Variants in ENOX1 observed in about 807,000 individuals in gnomAD.
ENOX1 encodes ecto-NOX disulfide-thiol exchanger 1.
In ENOX1, 42 loss-of-function variants were observed where a neutral mutation model predicts 82.5. The ratio of observed to expected loss-of-function variants is 0.51; its 90% CI spans 0.40 to 0.66. The LOEUF (loss-of-function observed/expected upper bound fraction) is 0.66. ENOX1 is among the 30% of genes least tolerant of loss of function. The pLI is 0.00. For missense variants in ENOX1, 608 were observed against 811.6 expected (o/e 0.75, Z 3.05); for synonymous variants, 271 against 282.2 (o/e 0.96, Z 0.40).
chr13:43,628,840 C>A (rs2083084074), intron 2 of ENOX1, among the ~76,000 whole-genome samples: 1 of 152,092 alleles, frequency 6.6e-6, no homozygotes, highest in Non-Finnish European at 1.5e-5. Context: ...TCGCTGACAC[C>A]CAAGTGGGAA....
At chr13:43,496,626 C>A (rs1269696848) in intron 2 of ENOX1, among the ~76,000 whole-genome samples, 5 of 152,090 alleles carry the variant, frequency 3.3e-5, no homozygotes, top group African/African-American at 1.2e-4. Context: ...AAGCAGTTCT[C>A]CCACCTCGGC....
chr13:43,391,997 G>A (rs1165824045), intron 5 of ENOX1, among the ~76,000 whole-genome samples: 1 of 152,122 alleles, frequency 6.6e-6, no homozygotes, highest in Non-Finnish European at 1.5e-5. Context: ...CAAGCTGGTT[G>A]TCCAGGACTT....
intron 2 of ENOX1, among the ~76,000 whole-genome samples, chr13:43,656,795 C>T (rs957938393): frequency 2.3e-5 from 3 of 128,948 alleles, no homozygotes; most frequent in African/African-American, 9.6e-5. Context: ...TATTCTCAAG[C>T]GCCTTTCTAT....
chr13:43,655,712 G>GC (rs1466254611), intron 2 of ENOX1, among the ~76,000 whole-genome samples: 1 of 151,958 alleles, frequency 6.6e-6, no homozygotes, highest in Non-Finnish European at 1.5e-5. Flanking sequence ...TCTGCAACCT[G>GC]CCCCACCGCT....
At chr13:43,326,846 T>C (rs2048143884) in intron 9 of ENOX1, among the ~76,000 whole-genome samples, 1 of 152,208 alleles carries the variant, frequency 6.6e-6, no homozygotes, top group African/African-American at 2.4e-5. Flanking sequence ...TATAGATATA[T>C]AGACACTGGT....
intron 3 of ENOX1, among the ~76,000 whole-genome samples, chr13:43,414,279 C>T (rs1225901111): frequency 2.0e-5 from 3 of 152,098 alleles, no homozygotes; most frequent in African/African-American, 7.2e-5. Context: ...CCCTAGCCCT[C>T]AACTAGAGGG....
chr13:43,638,736 C>A (rs2083508490), intron 2 of ENOX1, among the ~76,000 whole-genome samples: 1 of 152,026 alleles, frequency 6.6e-6, no homozygotes, highest in Non-Finnish European at 1.5e-5. Context: ...TGGTGGGGGG[C>A]AGTGCACAGA....
Position 43,657,944 on chromosome 13 carries a change from CTATT to C in ENOX1, c.-219+9531_-219+9534del, listed in dbSNP as rs2084524682. ...TGTCTAGCAAAGAAAAAAGCTAAAACTATTAATGTTTTTAAAGATAACTTTAACT... is the reference window on the plus strand; with the variant it reads ...TGTCTAGCAAAGAAAAAAGCTAAAACAATGTTTTTAAAGATAACTTTAACT... On this transcript the variant is annotated intron_variant, in intron 2 of 16. Coordinates refer to ENST00000690772, the MANE Select transcript of ENOX1 (RefSeq NM_001347969.2). Among the ~76,000 whole-genome samples the C allele has an allele frequency of 7.2e-5, 11 of 152,230 alleles. No homozygotes were observed. In the South Asian group the frequency reaches 2.3e-3, roughly 32 times the overall value.
At chr13:43,316,200 T>C (rs1306754544) in intron 11 of ENOX1, among the ~76,000 whole-genome samples, 1 of 152,164 alleles carries the variant, frequency 6.6e-6, no homozygotes, top group Non-Finnish European at 1.5e-5. Context: ...GCAGGAAACT[T>C]TGTGGAGACC....
chr13:43,324,750 C>CT (rs5803174), intron 10 of ENOX1, among the ~76,000 whole-genome samples: 30,604 of 152,010 alleles, frequency 0.2, 4,028 homozygotes, highest in East Asian at 0.58. Flanking sequence ...AGCAAGCAGG[C>CT]TCCTTAGACC....
intron 2 of ENOX1, among the ~76,000 whole-genome samples, chr13:43,503,262 TCAAA>T (rs967572141): frequency 1.1e-4 from 17 of 151,666 alleles, no homozygotes; most frequent in Admixed American, 1.1e-3. Context: ...ACTTGAGATA[TCAAA>T]CAAAAATATT....
At chr13:43,227,258 T>C (rs2042068172) in intron 15 of ENOX1, among the ~76,000 whole-genome samples, 1 of 152,110 alleles carries the variant, frequency 6.6e-6, no homozygotes. Flanking sequence ...TGAACATGGA[T>C]TTGCTCCTCC....
chr13:43,404,339 C>T (rs1380751293), intron 5 of ENOX1, among the ~76,000 whole-genome samples: 1 of 152,234 alleles, frequency 6.6e-6, no homozygotes, highest in African/African-American at 2.4e-5. Context: ...CTCTGGCCCA[C>T]ATACACCCAC....
intron 1 of ENOX1, among the ~76,000 whole-genome samples, chr13:43,705,362 T>TTC (rs34089365): frequency 1 from 145,606 of 146,232 alleles, 72,493 homozygotes; most frequent in East Asian, 1. Flanking sequence ...TATATATATA[T>TTC]GTAACACTCC....
chr13:43,415,326 T>C (rs1160727909), intron 3 of ENOX1, among the ~76,000 whole-genome samples: 1 of 138,310 alleles, frequency 7.2e-6, no homozygotes, highest in East Asian at 2.2e-4. Context: ...AGGATAATAG[T>C]GGAGAGAAGG....
intron 2 of ENOX1, among the ~76,000 whole-genome samples, chr13:43,662,400 T>C (rs751068915): frequency 6.6e-6 from 1 of 152,168 alleles, no homozygotes; most frequent in South Asian, 2.1e-4. Context: ...TATAGGTGCT[T>C]TTCCCTGTTA....
chr13:43,785,553 GC>G (rs1952521665), intron 1 of ENOX1, among the ~76,000 whole-genome samples: 1 of 152,162 alleles, frequency 6.6e-6, no homozygotes, highest in Non-Finnish European at 1.5e-5. Context: ...GGATTACAAA[GC>G]CAGTTTTTTT....
intron 2 of ENOX1, among the ~76,000 whole-genome samples, chr13:43,536,733 T>C (rs919752435): frequency 2.0e-5 from 3 of 152,214 alleles, no homozygotes; most frequent in African/African-American, 7.2e-5. Flanking sequence ...CAACCTTATA[T>C]GCTCAGAAAG....
chr13:43,307,793 T>C (rs993695898), intron 11 of ENOX1, among the ~76,000 whole-genome samples: 3 of 152,242 alleles, frequency 2.0e-5, no homozygotes, highest in African/African-American at 7.2e-5. Context: ...CTCGATGTTG[T>C]TGTGCATTAC....
Sources: gnomAD v4.1 joint callset for allele counts (sites outside exome capture counted in the v4.1 genomes callset) on GRCh38, gnomAD v4.1.1 for gene constraint, MANE v1.5 for transcripts, NCBI Gene and HGNC (gene_info 2026-07-23, HGNC 2026-07-21) for gene names.